Variants in RASGEF1A observed in about 807,000 individuals in gnomAD.
RASGEF1A encodes RasGEF domain family member 1A.
A neutral mutation model predicts 56.4 loss-of-function variants in RASGEF1A; 18 were observed. That is an observed-to-expected ratio of 0.32 (90% CI 0.22 to 0.47). The LOEUF (loss-of-function observed/expected upper bound fraction) is 0.47. Ranked by LOEUF, RASGEF1A falls within the 20% of genes least tolerant of loss-of-function variation. The pLI, the probability that RASGEF1A is intolerant of heterozygous loss-of-function variation, is 1.00. For synonymous variants in RASGEF1A, 245 were observed against 242.6 expected (o/e 1.01, Z -0.09); for missense variants, 422 against 627.1 (o/e 0.67, Z 3.49).
At chr10:43,247,694 T>A (rs1485654570) in intron 1 of RASGEF1A, among the ~76,000 whole-genome samples, 3 of 152,152 alleles carry the variant, frequency 2.0e-5, no homozygotes, top group African/African-American at 7.2e-5. Flanking sequence ...AATAGGCAAA[T>A]TCATAGAGTC....
At chr10:43,244,094 C>T (rs1296121095) in intron 1 of RASGEF1A, among the ~76,000 whole-genome samples, 1 of 152,188 alleles carries the variant, frequency 6.6e-6, no homozygotes, top group African/African-American at 2.4e-5. Context: ...ACCCCCAACC[C>T]CCTGCTCTCT....
At chr10:43,206,199 C>A in intron 1 of RASGEF1A, 77 bp from the exon 2 acceptor site, 2 of 1,249,048 alleles carry the variant, frequency 1.6e-6, no homozygotes, top group South Asian at 1.3e-5. Flanking sequence ...AGGCAGCCTG[C>A]AGCGTGCATG....
chr10:43,255,742 G>A (rs967275050), intron 1 of RASGEF1A, among the ~76,000 whole-genome samples: 1 of 152,196 alleles, frequency 6.6e-6, no homozygotes, highest in African/African-American at 2.4e-5. Context: ...CTGGAGCCAG[G>A]GCTGGGGGTG....
chr10:43,209,325 G>C, intron 1 of RASGEF1A: 1 of 594,674 alleles, frequency 1.7e-6, no homozygotes, highest in Non-Finnish European at 2.1e-6. Context: ...ACCTGCCCCA[G>C]GTCACAGCCA....
chr10:43,221,188 A>G (rs1239408293), intron 1 of RASGEF1A, among the ~76,000 whole-genome samples: 2 of 152,056 alleles, frequency 1.3e-5, no homozygotes, highest in East Asian at 3.9e-4. Flanking sequence ...TGGTCTCCCC[A>G]TCCCCCGACA....
chr10:43,213,168 TAAC>T (rs1840091320), intron 1 of RASGEF1A, among the ~76,000 whole-genome samples: 1 of 151,946 alleles, frequency 6.6e-6, no homozygotes, highest in African/African-American at 2.4e-5. Context: ...TAATGTTCCA[TAAC>T]AGACTCAGGT....
At chr10:43,203,771 G>A in intron 2 of RASGEF1A, 4 of 1,047,332 alleles carry the variant, frequency 3.8e-6, no homozygotes, top group Non-Finnish European at 4.6e-6. Context: ...GCGCCAGGAT[G>A]CAAGCCAGCT....
intron 3 of RASGEF1A, chr10:43,202,748 C>CA (rs1266955411): frequency 2.1e-6 from 1 of 467,130 alleles, no homozygotes; most frequent in Non-Finnish European, 4.4e-6. Context: ...CTAGGCCCCC[C>CA]ACCACCCGCT....
chr10:43,229,537 C>T (rs529568533), intron 1 of RASGEF1A: 197 of 1,067,990 alleles, frequency 1.8e-4, no homozygotes, highest in Admixed American at 6.1e-4. Context: ...GGCACCCTCC[C>T]GCACGGGTCG....
chr10:43,249,413 G>A (rs901295484), intron 1 of RASGEF1A, among the ~76,000 whole-genome samples: 1 of 152,212 alleles, frequency 6.6e-6, no homozygotes, highest in Non-Finnish European at 1.5e-5. Context: ...TCTGAGTCAC[G>A]GTCCTGGGGG....
Position 43,199,111 on chromosome 10 carries a change from G to A in RASGEF1A, c.933C>T (p.Asn311=), listed in dbSNP as rs746440425. ...ARECFNIGNF[N]SMMAIISGMN... ...ACTCACAGATGATGGCCATCATGGA[G>A]TTGAAGTTCCCGATGTTGAAGCACT... The change falls in exon 8 of 13, where the codon AAC becomes AAT. Residue 311 remains asparagine (N), a synonymous_variant. Coordinates refer to ENST00000395810, the MANE Select transcript of RASGEF1A (RefSeq NM_145313.4). The A allele has an allele frequency of 6.2e-7, 1 of 1,613,840 alleles. No homozygotes were observed. Among genetic ancestry groups the A allele is most frequent in the East Asian group, 2.2e-5 (1 of 44,880 alleles).
intron 1 of RASGEF1A, among the ~76,000 whole-genome samples, chr10:43,257,138 G>T (rs769741230): frequency 1.3e-5 from 2 of 152,200 alleles, no homozygotes; most frequent in Non-Finnish European, 2.9e-5. Flanking sequence ...CTCTCAGGTG[G>T]GGGTGAGGGT....
chr10:43,214,784 G>A (rs1281119128), intron 1 of RASGEF1A, among the ~76,000 whole-genome samples: 1 of 152,204 alleles, frequency 6.6e-6, no homozygotes, highest in Non-Finnish European at 1.5e-5. Context: ...GACTAACCTT[G>A]CTTTGCTTTA....
At chr10:43,206,982 TCTCAC>T in intron 1 of RASGEF1A, 1 of 985,332 alleles carries the variant, frequency 1.0e-6, no homozygotes, top group Non-Finnish European at 1.2e-6. Context: ...GGGCTCAGGG[TCTCAC>T]CACACCCTGC....
At chr10:43,231,919 G>A (rs557142076) in intron 1 of RASGEF1A, among the ~76,000 whole-genome samples, 10 of 152,364 alleles carry the variant, frequency 6.6e-5, no homozygotes, top group South Asian at 2.1e-4. Flanking sequence ...GCCATCTGCC[G>A]GGACTTCAGG....
At position 43,196,186 on chromosome 10, in the gene RASGEF1A, C is replaced by T; in HGVS notation, c.*58G>A. On this transcript the variant is annotated 3_prime_UTR_variant, in exon 13 of 13. Transcript: ENST00000395810. This position sits in a 1 kb window ranked among gnomAD's most constrained non-coding sequence, Gnocchi z 4.6. Reference sequence around the variant, plus strand: ...CCTCCTCATCTCAACCCACATCAGTCAAAATTTAAACCCAGTTAGTGCACG... The same window carrying T: ...CCTCCTCATCTCAACCCACATCAGTTAAAATTTAAACCCAGTTAGTGCACG... The T allele has an allele frequency of 6.3e-7, 1 of 1,578,594 alleles. No individual in the cohort carries two copies.
At chr10:43,199,561 A>G in intron 7 of RASGEF1A, 115 bp downstream of exon 7, 2 of 824,872 alleles carry the variant, frequency 2.4e-6, no homozygotes, top group Non-Finnish European at 4.0e-6. Flanking sequence ...ACAATGCAAC[A>G]GGGACTTTGT....
chr10:43,215,306 G>A (rs1007149789), intron 1 of RASGEF1A, among the ~76,000 whole-genome samples: 1 of 152,222 alleles, frequency 6.6e-6, no homozygotes, highest in South Asian at 2.1e-4. Flanking sequence ...GAGGCAGCAC[G>A]TGGGCTTCTA....
intron 1 of RASGEF1A, among the ~76,000 whole-genome samples, chr10:43,259,125 G>A (rs1401369070): frequency 2.6e-5 from 4 of 152,206 alleles, no homozygotes; most frequent in African/African-American, 9.7e-5. Flanking sequence ...TCCCAGGGCT[G>A]GCAGCCAGGA....
Sources: allele counts gnomAD v4.1 joint callset (sites outside exome capture counted in the v4.1 genomes callset), GRCh38; gene constraint gnomAD v4.1.1; non-coding constraint Gnocchi (gnomAD v3.1); transcripts MANE v1.5; gene names NCBI Gene and HGNC (gene_info 2026-07-23, HGNC 2026-07-21).